The following SLC25A21 variants were observed in gnomAD, a reference collection of about 807,000 sequenced individuals.
SLC25A21 encodes mitochondrial 2-oxodicarboxylate carrier.
Under a neutral mutation model 43.8 loss-of-function variants are expected in SLC25A21, and 47 were observed. The ratio of observed to expected loss-of-function variants is 1.07; its 90% confidence interval spans 0.85 to 1.37. SLC25A21 has a LOEUF of 1.37. Ranked by LOEUF, SLC25A21 falls within the 40% of genes most tolerant of loss-of-function variation. The pLI is 0.00. For missense variants in SLC25A21, 352 were observed against 350.2 expected (o/e 1.00, Z -0.04); for synonymous variants, 131 against 121.3 (o/e 1.08, Z -0.52).
chr14:37,126,455 A>G (rs978576559), intron 1 of SLC25A21, among the ~76,000 whole-genome samples: 6 of 151,776 alleles, frequency 4.0e-5, no homozygotes, highest in Non-Finnish European at 8.8e-5. Context: ...TATACATATA[A>G]TATTTATCCT....
At chr14:36,779,376 T>C (rs143480567) in intron 3 of SLC25A21, among the ~76,000 whole-genome samples, 6,270 of 141,530 alleles carry the variant, frequency 0.044, 477 homozygotes, top group African/African-American at 0.16. Context: ...TCTCTCTATA[T>C]ATACACACAC....
intron 1 of SLC25A21, among the ~76,000 whole-genome samples, chr14:36,954,145 G>A (rs1383990228): frequency 1.3e-5 from 2 of 152,082 alleles, no homozygotes; most frequent in African/African-American, 4.8e-5. Flanking sequence ...TAGTCACTCA[G>A]CTGAAACCTG....
chr14:36,699,644 C>T (rs924967252), intron 7 of SLC25A21, among the ~76,000 whole-genome samples: 1 of 152,188 alleles, frequency 6.6e-6, no homozygotes, highest in Non-Finnish European at 1.5e-5. Flanking sequence ...CCTACTCAAG[C>T]CTAAGCGATG....
intron 1 of SLC25A21, among the ~76,000 whole-genome samples, chr14:36,905,347 G>C (rs1283383777): frequency 1.3e-5 from 2 of 152,172 alleles, no homozygotes; most frequent in African/African-American, 4.8e-5. Context: ...GCCATTCTTA[G>C]AGGGCCAACT....
In SLC25A21 at chr14:36,678,671, C is replaced by T. The variant is rs563202576; in HGVS notation, c.*1987G>A. The T allele has an allele frequency of 3.2e-6, 4 of 1,254,984 alleles. No individual in the cohort carries two copies. Among genetic ancestry groups the T allele is most frequent in the Middle Eastern group, 3.0e-4 (1 of 3,372 alleles). 77.7% of individuals were successfully genotyped at this position (1,254,984 alleles called of 1,614,324 possible). A position where few individuals can be genotyped will look rare whatever the true frequency, so the allele number is the denominator to read the frequency against. On this transcript the variant is annotated 3_prime_UTR_variant, in exon 10 of 10. Coordinates refer to ENST00000331299, the MANE Select transcript of SLC25A21 (RefSeq NM_030631.4). ...AGGGGGCTTTAAAAAATATTACTTG[C>T]TTGTGTGGAAATGCAAATAATGTTA...
chr14:36,930,239 GGCTA>G (rs1437065111), intron 1 of SLC25A21, among the ~76,000 whole-genome samples: 1 of 152,102 alleles, frequency 6.6e-6, no homozygotes, highest in East Asian at 1.9e-4. Flanking sequence ...ACCAAGTTTT[GGCTA>G]GCTAAAGAAT....
At chr14:36,797,809 T>A (rs1166764186) in intron 3 of SLC25A21, among the ~76,000 whole-genome samples, 1 of 152,158 alleles carries the variant, frequency 6.6e-6, no homozygotes, top group Non-Finnish European at 1.5e-5. Flanking sequence ...ATGAAAAGGT[T>A]TTCTCTATTC....
rs562254265 is a variant in SLC25A21 at position 36,885,137 on chromosome 14, G to T, written c.71-10133C>A. On this transcript the variant is annotated intron_variant, in intron 1 of 9. Coordinates refer to ENST00000331299, the MANE Select transcript of SLC25A21 (RefSeq NM_030631.4). ...TTTAATCCACTTTGAGTTGATTTTT[G>T]TACATGATGTGAGATAAGGATCAAA... 5.3e-5 allele frequency among the ~76,000 whole-genome samples: 8 copies of T among 152,240 alleles called. No homozygotes were observed. The South Asian group carries it at 8.3e-4, about 16-fold the overall frequency.
intron 2 of SLC25A21, among the ~76,000 whole-genome samples, chr14:36,815,914 A>T (rs2138450574): frequency 6.6e-6 from 1 of 152,306 alleles, no homozygotes; most frequent in African/African-American, 2.4e-5. Flanking sequence ...TTTTCAAAAC[A>T]CTTCTGATAT....
chr14:36,731,035 C>G (rs937686756), intron 4 of SLC25A21, among the ~76,000 whole-genome samples: 3 of 150,052 alleles, frequency 2.0e-5, no homozygotes, highest in East Asian at 3.9e-4. Flanking sequence ...TGCAGTGGCG[C>G]GATCTCGGCT....
chr14:37,088,217 T>C (rs1394460103), intron 1 of SLC25A21, among the ~76,000 whole-genome samples: 2 of 152,192 alleles, frequency 1.3e-5, no homozygotes, highest in African/African-American at 4.8e-5. Flanking sequence ...TTTGCTTACA[T>C]TGTTGGTAAT....
At chr14:36,776,238 C>CTTTTTTT (rs35856297) in intron 3 of SLC25A21, among the ~76,000 whole-genome samples, 5 of 89,900 alleles carry the variant, frequency 5.6e-5, no homozygotes, top group African/African-American at 2.0e-4. Context: ...TTCTTTCTTT[C>CTTTTTTT]TTTTTTTTTT....
At chr14:36,912,448 T>G (rs997800491) in intron 1 of SLC25A21, among the ~76,000 whole-genome samples, 1 of 152,144 alleles carries the variant, frequency 6.6e-6, no homozygotes, top group African/African-American at 2.4e-5. Flanking sequence ...CAATTGGTGC[T>G]GCTATACAAG....
At chr14:37,153,563 G>A (rs1015142955) in intron 1 of SLC25A21, among the ~76,000 whole-genome samples, 2 of 152,220 alleles carry the variant, frequency 1.3e-5, no homozygotes, top group African/African-American at 4.8e-5. Context: ...GCCAGGGTAG[G>A]GGGTGAACCC....
intron 1 of SLC25A21, among the ~76,000 whole-genome samples, chr14:37,153,357 T>C (rs984918257): frequency 2.0e-5 from 3 of 152,212 alleles, no homozygotes; most frequent in Non-Finnish European, 4.4e-5. Flanking sequence ...AGGAGTAAGA[T>C]GGGAGCATTC....
chr14:36,715,926 A>G (rs2139196398), intron 6 of SLC25A21, among the ~76,000 whole-genome samples: 1 of 152,156 alleles, frequency 6.6e-6, no homozygotes, highest in Admixed American at 6.5e-5. Context: ...CCCTGTCTCT[A>G]CTAATAATAC....
intron 1 of SLC25A21, among the ~76,000 whole-genome samples, chr14:36,990,617 C>T (rs1177853380): frequency 1.3e-5 from 2 of 152,094 alleles, no homozygotes; most frequent in Admixed American, 1.3e-4. Flanking sequence ...TGGCATACAC[C>T]TGTAATCCCA....
intron 2 of SLC25A21, among the ~76,000 whole-genome samples, chr14:36,831,835 A>C (rs1401483476): frequency 6.6e-6 from 1 of 152,224 alleles, no homozygotes; most frequent in African/African-American, 2.4e-5. Flanking sequence ...GAAATCGAAA[A>C]TGGAGTCTAC....
At chr14:36,973,985 C>T (rs868697574) in intron 1 of SLC25A21, among the ~76,000 whole-genome samples, 3 of 151,950 alleles carry the variant, frequency 2.0e-5, no homozygotes, top group South Asian at 4.2e-4. Context: ...GACTCTGGGA[C>T]AGCTCTATTT....
Sources: allele counts gnomAD v4.1 joint callset (sites outside exome capture counted in the v4.1 genomes callset), GRCh38; gene constraint gnomAD v4.1.1; transcripts MANE v1.5; gene names NCBI Gene and HGNC (gene_info 2026-07-23, HGNC 2026-07-21).